Variants in CES5A observed in about 807,000 individuals in gnomAD.
The protein encoded by CES5A is carboxylesterase 5.
A neutral mutation model predicts 62.9 loss-of-function variants in CES5A; 67 were observed. The observed-to-expected ratio is 1.07, with a 90% confidence interval of 0.88 to 1.31. The LOEUF (loss-of-function observed/expected upper bound fraction) is 1.31. Ranked by LOEUF, CES5A falls within the 50% of genes most tolerant of loss-of-function variation. The pLI, the probability that CES5A is intolerant of heterozygous loss-of-function variation, is 0.00. For missense variants in CES5A, 748 were observed against 708.5 expected, an observed-to-expected ratio of 1.06 and a Z score of -0.63; for synonymous variants, 296 against 280.8, an observed-to-expected ratio of 1.05 and a Z score of -0.54.
intron 5 of CES5A, among the ~76,000 whole-genome samples, 170 bp from the exon 6 acceptor site, chr16:55,863,622 A>G (rs1210483976): frequency 6.6e-6 from 1 of 152,196 alleles, no homozygotes; most frequent in Non-Finnish European, 1.5e-5. Context: ...GGTTTGGGCA[A>G]GTTACTCAAC....
At chr16:55,889,945 G>A (rs1409104418) in intron 1 of CES5A, among the ~76,000 whole-genome samples, 1 of 152,140 alleles carries the variant, frequency 6.6e-6, no homozygotes, top group Admixed American at 6.5e-5. Flanking sequence ...ATATCACAGT[G>A]GGCTAGTCTT....
intron 1 of CES5A, among the ~76,000 whole-genome samples, chr16:55,892,416 G>T (rs1455490806): frequency 6.6e-6 from 1 of 152,054 alleles, no homozygotes; most frequent in Non-Finnish European, 1.5e-5. Flanking sequence ...CCTCCTGAGG[G>T]CTGTGTCACA....
intron 12 of CES5A, 40 bp downstream of exon 12, chr16:55,846,728 C>T (rs1160024958): frequency 6.2e-7 from 1 of 1,613,312 alleles, no homozygotes; most frequent in East Asian, 2.2e-5. Flanking sequence ...CTCCTCACAC[C>T]CCAGGCCTTG....
At chr16:55,947,636 G>A (rs1456646767) in intron 2 of CES5A, among the ~76,000 whole-genome samples, 4 of 152,088 alleles carry the variant, frequency 2.6e-5, no homozygotes, top group African/African-American at 9.7e-5. Flanking sequence ...TGGGGTTGTA[G>A]GGAGAGGAAG....
intron 9 of CES5A, 43 bp downstream of exon 9, chr16:55,856,334 G>C (rs1249198902): frequency 6.3e-7 from 1 of 1,576,840 alleles, no homozygotes; most frequent in South Asian, 1.1e-5. Context: ...TATCTGTTAA[G>C]TGCATGTGTC....
At chr16:55,896,334 G>T (rs2033934026) in intron 1 of CES5A, among the ~76,000 whole-genome samples, 1 of 152,124 alleles carries the variant, frequency 6.6e-6, no homozygotes, top group South Asian at 2.1e-4. Context: ...TACAGTTCAA[G>T]ATTTGGGTAG....
chr16:55,856,663 G>T (rs1240077488), intron 8 of CES5A, among the ~76,000 whole-genome samples: 1 of 152,234 alleles, frequency 6.6e-6, no homozygotes, highest in Admixed American at 6.5e-5. Flanking sequence ...TCCACCTGCA[G>T]CCTTGTGGGG....
chr16:55,950,716 A>G (rs1009850921), intron 1 of CES5A, among the ~76,000 whole-genome samples: 3 of 152,208 alleles, frequency 2.0e-5, no homozygotes, highest in East Asian at 1.9e-4. Flanking sequence ...AGAAAAAAAA[A>G]CCCAAAAAAC....
upstream of CES5A, among the ~76,000 whole-genome samples, chr16:55,927,980 A>T (rs1466369421): frequency 2.0e-5 from 3 of 152,138 alleles, no homozygotes; most frequent in African/African-American, 7.2e-5. Flanking sequence ...GCGGTGGCTC[A>T]CGCCTGTAAT....
chr16:55,935,745 C>T (rs1209641575), intron 2 of CES5A, among the ~76,000 whole-genome samples: 1 of 151,848 alleles, frequency 6.6e-6, no homozygotes, highest in Non-Finnish European at 1.5e-5. Flanking sequence ...TTTGCCAGTG[C>T]ATTCTTCTAT....
rs2033005488 is a variant in CES5A, at chr16:55,846,327, T to C, written c.*124A>G. ...GGATCATTCCTAAGTCCATAAAATATCAGCGAAAGCAGCTTGTTTTGCAAG... is the reference window on the plus strand; with the variant it reads ...GGATCATTCCTAAGTCCATAAAATACCAGCGAAAGCAGCTTGTTTTGCAAG... On this transcript the variant is annotated 3_prime_UTR_variant, in exon 13 of 13. Coordinates refer to ENST00000290567, the MANE Select transcript of CES5A (RefSeq NM_001143685.2). 4 of 708,418 alleles carry C rather than the reference T, an allele frequency of 5.6e-6. No homozygotes were observed. Among genetic ancestry groups the C allele is most frequent in the South Asian group, 1.9e-5 (1 of 53,696 alleles). The allele number at this position is 708,418 out of a possible 1,614,324, so 43.9% of individuals were successfully genotyped here.
At chr16:55,876,313 A>G (rs1236276201), upstream of CES5A, among the ~76,000 whole-genome samples, 1 of 152,220 alleles carries the variant, frequency 6.6e-6, no homozygotes, top group East Asian at 1.9e-4. Context: ...AATTGTATCT[A>G]CCTAGTGCAA....
chr16:55,856,469 GTAAGCC>G, intron 8 of CES5A, 24 bp from the exon 9 acceptor site: 1 of 1,611,568 alleles, frequency 6.2e-7, no homozygotes, highest in Non-Finnish European at 8.5e-7. Context: ...CGTGCCCTCT[GTAAGCC>G]ATCTGGTCAT....
chr16:55,858,199 AAAATT>A (rs758123283), intron 8 of CES5A, among the ~76,000 whole-genome samples: 17 of 152,334 alleles, frequency 1.1e-4, no homozygotes, highest in Non-Finnish European at 2.2e-4. Context: ...CTCTGACTCA[AAAATT>A]AAATTAGATT....
chr16:55,910,519 A>G (rs2034082675), intron 1 of CES5A, among the ~76,000 whole-genome samples: 1 of 152,216 alleles, frequency 6.6e-6, no homozygotes. Flanking sequence ...CACTCTTTTG[A>G]GACGCTGCTG....
rs55951124 is a variant in CES5A, at chr16:55,951,103, C to CAAAAAAAAAA, written c.43-1211_43-1202dup. On this transcript the variant is annotated intron_variant, in intron 1 of 13. Coordinates refer to the CES5A transcript ENST00000521992. Reference sequence around the variant, plus strand: ...CCTGGGAGACAGCGAGACTCCATCTCAAAAAAAAAAAAAAAAAAAAAAAAA... The same window carrying CAAAAAAAAAA: ...CCTGGGAGACAGCGAGACTCCATCTCAAAAAAAAAAAAAAAAAAAAAAAAAAAAAAAAAAA... Among the ~76,000 whole-genome samples the CAAAAAAAAAA allele has an allele frequency of 9.9e-4, 44 of 44,378 alleles. 4 individuals are homozygous for CAAAAAAAAAA. Among genetic ancestry groups the CAAAAAAAAAA allele is most frequent in the African/African-American group, 4.9e-3 (40 of 8,142 alleles). 29.1% of individuals were successfully genotyped at this position (44,378 alleles called of 152,430 possible). A position where few individuals can be genotyped will look rare whatever the true frequency, so the allele number is the denominator to read the frequency against.
intron 1 of CES5A, among the ~76,000 whole-genome samples, chr16:55,900,860 G>A (rs766012146): frequency 2.8e-4 from 43 of 152,144 alleles, no homozygotes; most frequent in Non-Finnish European, 5.1e-4. Flanking sequence ...CCCAAGTTTC[G>A]TTCAAACACT....
intron 2 of CES5A, among the ~76,000 whole-genome samples, chr16:55,946,519 C>T (rs1488151687): frequency 6.6e-6 from 1 of 152,210 alleles, no homozygotes; most frequent in East Asian, 1.9e-4. Flanking sequence ...CTTTCTGTTG[C>T]AGTCTCTCAG....
chr16:55,900,532 T>G (rs2033980196), intron 1 of CES5A, among the ~76,000 whole-genome samples: 1 of 152,148 alleles, frequency 6.6e-6, no homozygotes, highest in Non-Finnish European at 1.5e-5. Flanking sequence ...TGCAGGGACC[T>G]GAAAGAAAGG....
Sources: gnomAD v4.1 joint callset for allele counts (sites outside exome capture counted in the v4.1 genomes callset) on GRCh38, gnomAD v4.1.1 for gene constraint, MANE v1.5 for transcripts, NCBI Gene and HGNC (gene_info 2026-07-23, HGNC 2026-07-21) for gene names.